Variants in MEI4 observed in about 807,000 individuals in gnomAD.
The protein encoded by MEI4 is meiotic double-stranded break formation protein 4.
MEI4 carries 27 observed loss-of-function variants against 31.4 expected under a neutral mutation model. The observed-to-expected ratio is 0.86, with a 90% confidence interval of 0.63 to 1.19. MEI4 has a LOEUF of 1.19. Among genes scored for constraint, MEI4 ranks in the 50% most tolerant of loss-of-function variants. MEI4 has a pLI of 0.00. For missense variants in MEI4, 329 were observed against 398.9 expected, an observed-to-expected ratio of 0.82 and a Z score of 1.49; for synonymous variants, 122 against 145.4, an observed-to-expected ratio of 0.84 and a Z score of 1.16.
intron 4 of MEI4, among the ~76,000 whole-genome samples, chr6:77,921,610 C>T (rs1447936525): frequency 1.3e-5 from 2 of 151,802 alleles, no homozygotes; most frequent in Admixed American, 1.3e-4. Flanking sequence ...TTTTGACATG[C>T]CTTCTTCACT....
At chr6:77,752,504 C>T (rs977843045) in intron 2 of MEI4, among the ~76,000 whole-genome samples, 2 of 152,140 alleles carry the variant, frequency 1.3e-5, no homozygotes, top group Admixed American at 1.3e-4. Context: ...AACTCCCATT[C>T]ACAATTGCTA....
intron 4 of MEI4, among the ~76,000 whole-genome samples, chr6:77,831,828 T>C (rs962695699): frequency 5.3e-5 from 8 of 151,970 alleles, no homozygotes; most frequent in Admixed American, 2.6e-4. Context: ...TATTCAATAG[T>C]ACAGTTAGTG....
intron 4 of MEI4, among the ~76,000 whole-genome samples, chr6:77,904,045 T>C (rs1766241135): frequency 1.3e-5 from 2 of 152,168 alleles, no homozygotes; most frequent in South Asian, 4.1e-4. Flanking sequence ...TTAATCCATT[T>C]ACTTTCACTA....
chr6:77,703,059 CT>C (rs1766259569), intron 2 of MEI4, among the ~76,000 whole-genome samples: 1 of 152,208 alleles, frequency 6.6e-6, no homozygotes, highest in African/African-American at 2.4e-5. Flanking sequence ...AGCAGTCTGT[CT>C]TCCTTGTGAG....
intron 4 of MEI4, among the ~76,000 whole-genome samples, chr6:77,843,820 A>G (rs1770417614): frequency 6.6e-6 from 1 of 152,102 alleles, no homozygotes; most frequent in South Asian, 2.1e-4. Context: ...TAATTTACTC[A>G]TGATATGATC....
At chr6:77,850,131 G>A (rs1010305191) in intron 4 of MEI4, among the ~76,000 whole-genome samples, 16 of 151,992 alleles carry the variant, frequency 1.1e-4, no homozygotes, top group African/African-American at 3.1e-4. Context: ...TTATTTCATT[G>A]AGCAGTGGTT....
At chr6:77,735,413 C>T (rs1767160771) in intron 2 of MEI4, among the ~76,000 whole-genome samples, 1 of 151,962 alleles carries the variant, frequency 6.6e-6, no homozygotes, top group African/African-American at 2.4e-5. Flanking sequence ...CCCTTTCTTC[C>T]AGTTGATCGC....
chr6:77,789,349 G>T (rs904491731), intron 3 of MEI4, among the ~76,000 whole-genome samples: 2 of 152,146 alleles, frequency 1.3e-5, no homozygotes, highest in South Asian at 2.1e-4. Flanking sequence ...GCATGGGCAA[G>T]GACTTCATGT....
intron 4 of MEI4, among the ~76,000 whole-genome samples, chr6:77,893,349 C>A (rs1402554704): frequency 1.3e-5 from 2 of 152,130 alleles, no homozygotes; most frequent in African/African-American, 4.8e-5. Flanking sequence ...ATGTGAATTT[C>A]CCAGAATGTA....
chr6:77,694,437 G>T (rs184722432), intron 2 of MEI4, among the ~76,000 whole-genome samples: 4 of 108,646 alleles, frequency 3.7e-5, no homozygotes, highest in African/African-American at 1.4e-4. Flanking sequence ...AACAGACCCC[G>T]GAGTGTGATG....
At chr6:77,911,966 A>G (rs1766444507) in intron 4 of MEI4, among the ~76,000 whole-genome samples, 1 of 151,836 alleles carries the variant, frequency 6.6e-6, no homozygotes, top group African/African-American at 2.4e-5. Context: ...TTCATGGCTT[A>G]TATTTAAGTC....
At chr6:77,772,721 G>A (rs961733867) in intron 3 of MEI4, among the ~76,000 whole-genome samples, 2 of 151,828 alleles carry the variant, frequency 1.3e-5, no homozygotes, top group Non-Finnish European at 2.9e-5. Flanking sequence ...AATCAGACAA[G>A]AGAAATAAAG....
intron 4 of MEI4, among the ~76,000 whole-genome samples, chr6:77,913,056 C>G (rs1420175010): frequency 6.6e-6 from 1 of 152,064 alleles, no homozygotes; most frequent in Non-Finnish European, 1.5e-5. Flanking sequence ...TTATCTGCAT[C>G]TATTGAGATG....
chr6:77,819,077 C>T (rs944059082), intron 3 of MEI4, among the ~76,000 whole-genome samples: 1 of 151,904 alleles, frequency 6.6e-6, no homozygotes, highest in South Asian at 2.1e-4. Flanking sequence ...GTAGACATAC[C>T]GTACTTTTAT....
chr6:77,792,638 G>C (rs1474347978), intron 3 of MEI4, among the ~76,000 whole-genome samples: 2 of 151,366 alleles, frequency 1.3e-5, no homozygotes, highest in African/African-American at 2.4e-5. Context: ...AAGCAATTTT[G>C]AGTTGATTTT....
chr6:77,873,240 T>C (rs1312316915), intron 4 of MEI4, among the ~76,000 whole-genome samples: 1 of 152,222 alleles, frequency 6.6e-6, no homozygotes, highest in African/African-American at 2.4e-5. Context: ...GTGTTCCTGT[T>C]TCTCCACATC....
chr6:77,894,201 AT>A (rs1381326108), intron 4 of MEI4, among the ~76,000 whole-genome samples: 34 of 152,190 alleles, frequency 2.2e-4, no homozygotes, highest in African/African-American at 8.2e-4. Context: ...ATAATATCAT[AT>A]ACTTGTATGA....
chr6:77,742,648 G>T lies in MEI4; in HGVS notation c.233-18482G>T, dbSNP rs9443466. 7.0e-3 allele frequency among the ~76,000 whole-genome samples: 1,062 copies of T among 152,208 alleles called. 11 individuals carry two copies. Among genetic ancestry groups the T allele is most frequent in the African/African-American group, 0.024 (998 of 41,524 alleles). ...AGTTAGATCCCATTTGTCAATTTTG[G>T]CTTTTGTTGCCATTGCTTTTGGTGT... On this transcript the variant is annotated intron_variant, in intron 2 of 4. Transcript: ENST00000684080.
At chr6:77,754,191 T>A (rs2127679350) in intron 2 of MEI4, among the ~76,000 whole-genome samples, 1 of 152,070 alleles carries the variant, frequency 6.6e-6, no homozygotes, top group East Asian at 1.9e-4. Flanking sequence ...CCATGGCATG[T>A]GAATACCTAT....
Sources: allele counts gnomAD v4.1 joint callset (sites outside exome capture counted in the v4.1 genomes callset), GRCh38; gene constraint gnomAD v4.1.1; transcripts MANE v1.5; gene names NCBI Gene and HGNC (gene_info 2026-07-23, HGNC 2026-07-21).